Variants in SGCZ observed in about 807,000 individuals in gnomAD.
SGCZ encodes sarcoglycan zeta, also known as zeta-sarcoglycan.
A neutral mutation model predicts 41.3 loss-of-function variants in SGCZ; 40 were observed. That is an observed-to-expected ratio of 0.97 (90% CI 0.75 to 1.26). The LOEUF (loss-of-function observed/expected upper bound fraction) is 1.26. Ranked by LOEUF, SGCZ falls within the 50% of genes most tolerant of loss-of-function variation. The pLI is 0.00. For synonymous variants in SGCZ, 206 were observed against 137.5 expected (o/e 1.50, Z -3.49); for missense variants, 552 against 369.8 (o/e 1.49, Z -4.04).
In SGCZ at chr8:14,326,516, G is replaced by T. The variant is rs115917355; in HGVS notation, c.235-2312C>A. Among the ~76,000 whole-genome samples, 223 of 152,208 alleles carry T rather than the reference G, an allele frequency of 1.5e-3. 2 individuals carry two copies. Among genetic ancestry groups the T allele is most frequent in the African/African-American group, 5.2e-3 (217 of 41,538 alleles). On this transcript the variant is annotated intron_variant, in intron 2 of 7. Coordinates refer to ENST00000382080, the MANE Select transcript of SGCZ (RefSeq NM_139167.4). Reference sequence around the variant, plus strand: ...TAAGAGGGACATTTGGAGGTGACGAGGTCTGGATTGCCCCATAGAAGGAGA... The same window carrying T: ...TAAGAGGGACATTTGGAGGTGACGATGTCTGGATTGCCCCATAGAAGGAGA...
At chr8:14,760,802 C>A (rs1223656418) in intron 1 of SGCZ, among the ~76,000 whole-genome samples, 1 of 152,152 alleles carries the variant, frequency 6.6e-6, no homozygotes, top group East Asian at 1.9e-4. Context: ...CCTACTTATA[C>A]TAAAAAGTTT....
intron 1 of SGCZ, among the ~76,000 whole-genome samples, chr8:14,673,724 G>C (rs995609940): frequency 2.0e-5 from 3 of 152,080 alleles, no homozygotes; most frequent in Non-Finnish European, 4.4e-5. Flanking sequence ...ACGAATAAAT[G>C]AACAAATTAA....
intron 3 of SGCZ, among the ~76,000 whole-genome samples, chr8:14,281,833 G>C (rs904021178): frequency 3.3e-5 from 5 of 149,942 alleles, no homozygotes; most frequent in Non-Finnish European, 7.4e-5. Flanking sequence ...GGGTGTCTTG[G>C]AGACATAAAT....
At chr8:14,592,262 C>G (rs146517568) in intron 1 of SGCZ, among the ~76,000 whole-genome samples, 3 of 151,998 alleles carry the variant, frequency 2.0e-5, no homozygotes, top group African/African-American at 7.2e-5. Context: ...TGATGTCTCT[C>G]CAAATAAATC....
intron 1 of SGCZ, among the ~76,000 whole-genome samples, chr8:15,219,122 G>C (rs1474157827): frequency 6.6e-6 from 1 of 152,100 alleles, no homozygotes; most frequent in Non-Finnish European, 1.5e-5. Flanking sequence ...TACATATTGA[G>C]TACTTTTTTA....
intron 2 of SGCZ, among the ~76,000 whole-genome samples, chr8:14,333,269 T>C (rs984948668): frequency 6.6e-6 from 1 of 152,104 alleles, no homozygotes; most frequent in African/African-American, 2.4e-5. Context: ...GGTGCTATCA[T>C]AAACAAATCA....
intron 1 of SGCZ, among the ~76,000 whole-genome samples, chr8:14,679,935 C>G (rs1350229343): frequency 2.0e-5 from 3 of 151,988 alleles, no homozygotes; most frequent in African/African-American, 4.8e-5. Context: ...CATTGTGTTA[C>G]AAATGCCTAC....
chr8:15,182,626 A>T (rs1298925907), intron 1 of SGCZ, among the ~76,000 whole-genome samples: 1 of 152,178 alleles, frequency 6.6e-6, no homozygotes, highest in Non-Finnish European at 1.5e-5. Flanking sequence ...GGAGCTTGCA[A>T]GATTAGAAGT....
At chr8:14,336,494 A>G (rs1802511822) in intron 2 of SGCZ, among the ~76,000 whole-genome samples, 1 of 152,132 alleles carries the variant, frequency 6.6e-6, no homozygotes, top group Non-Finnish European at 1.5e-5. Context: ...TCCTGTTTTT[A>G]GCTCTTTGAG....
intron 1 of SGCZ, among the ~76,000 whole-genome samples, chr8:15,236,115 T>C (rs1201409296): frequency 6.6e-6 from 1 of 152,160 alleles, no homozygotes; most frequent in African/African-American, 2.4e-5. Flanking sequence ...CTACTTCCCT[T>C]TGCCCAGGGA....
chr8:15,004,051 A>G (rs1235732880), intron 1 of SGCZ, among the ~76,000 whole-genome samples: 1 of 152,162 alleles, frequency 6.6e-6, no homozygotes, highest in East Asian at 1.9e-4. Context: ...GAGATCACCC[A>G]AAATGTGCAT....
intron 3 of SGCZ, among the ~76,000 whole-genome samples, chr8:14,238,137 A>G (rs147802484): frequency 6.6e-6 from 1 of 152,192 alleles, no homozygotes. Context: ...TCAATCCTCA[A>G]ACTCCCAATG....
intron 1 of SGCZ, among the ~76,000 whole-genome samples, chr8:14,611,879 C>A (rs571938149): frequency 6.6e-6 from 1 of 152,078 alleles, no homozygotes; most frequent in South Asian, 2.1e-4. Context: ...AAGCTTGTCA[C>A]TCATGAGCCA....
intron 2 of SGCZ, among the ~76,000 whole-genome samples, chr8:14,437,592 T>A (rs1251246929): frequency 6.6e-6 from 1 of 152,014 alleles, no homozygotes; most frequent in Non-Finnish European, 1.5e-5. Flanking sequence ...AAAGAAAAAT[T>A]TTCTGTTTTA....
intron 2 of SGCZ, among the ~76,000 whole-genome samples, chr8:14,550,971 G>A (rs148108183): frequency 6.6e-6 from 1 of 151,828 alleles, no homozygotes; most frequent in South Asian, 2.1e-4. Context: ...CAATGATCAC[G>A]CAAGACTTCT....
rs564714071 is a variant in SGCZ, at chr8:14,170,963, T to C, written c.425-6261A>G. On this transcript the variant is annotated intron_variant, in intron 4 of 7. Coordinates refer to ENST00000382080, the MANE Select transcript of SGCZ (RefSeq NM_139167.4). ...AAGAAAAAAAGGATAATAATCCTAGTGTCTTCTGGTAATCTCACATTCGCT... is the reference window on the plus strand; with the variant it reads ...AAGAAAAAAAGGATAATAATCCTAGCGTCTTCTGGTAATCTCACATTCGCT... Among the ~76,000 whole-genome samples, 12 of 152,238 alleles carry C rather than the reference T, an allele frequency of 7.9e-5. No homozygotes were observed. In the South Asian group the frequency reaches 2.3e-3, roughly 29 times the overall value.
At chr8:15,125,492 G>C (rs1483910814) in intron 1 of SGCZ, among the ~76,000 whole-genome samples, 1 of 152,118 alleles carries the variant, frequency 6.6e-6, no homozygotes, top group Non-Finnish European at 1.5e-5. Flanking sequence ...TCCTTCCAAA[G>C]AGAAATATTC....
chr8:14,185,564 C>T (rs905626953), intron 4 of SGCZ, among the ~76,000 whole-genome samples: 1 of 152,088 alleles, frequency 6.6e-6, no homozygotes, highest in East Asian at 1.9e-4. Flanking sequence ...TAGCATCTGA[C>T]TCATTCAAAA....
chr8:14,828,520 A>G (rs1802417528), intron 1 of SGCZ, among the ~76,000 whole-genome samples: 2 of 152,228 alleles, frequency 1.3e-5, no homozygotes, highest in Admixed American at 6.5e-5. Context: ...AACAAGTGTA[A>G]TCAAGATCCT....
Sources: gnomAD v4.1 joint callset for allele counts (sites outside exome capture counted in the v4.1 genomes callset) on GRCh38, gnomAD v4.1.1 for gene constraint, MANE v1.5 for transcripts, NCBI Gene and HGNC (gene_info 2026-07-23, HGNC 2026-07-21) for gene names.